Variants in GHR observed in about 807,000 individuals in gnomAD.
GHR encodes the protein growth hormone receptor.
In GHR, 35 loss-of-function variants were observed where a neutral mutation model predicts 67.1. The ratio of observed to expected loss-of-function variants is 0.52; its 90% CI spans 0.40 to 0.69. The LOEUF is 0.69. Among genes scored for constraint, GHR ranks in the 30% least tolerant of loss-of-function variants. The pLI, the probability that GHR is intolerant of heterozygous loss-of-function variation, is 0.00. For missense variants in GHR, 792 were observed against 764.6 expected (o/e 1.04, Z -0.42); for synonymous variants, 272 against 269.1 (o/e 1.01, Z -0.10).
At chr5:42,641,263 G>A (rs1754462393) in intron 3 of GHR, among the ~76,000 whole-genome samples, 1 of 151,982 alleles carries the variant, frequency 6.6e-6, no homozygotes, top group Admixed American at 6.6e-5. Flanking sequence ...TCAATCCAAA[G>A]CTCTTTTCTC....
intron 1 of GHR, among the ~76,000 whole-genome samples, chr5:42,504,966 C>T (rs1345112097): frequency 6.6e-6 from 1 of 152,112 alleles, no homozygotes; most frequent in East Asian, 1.9e-4. Flanking sequence ...CTAAGAATTG[C>T]TCCAGATTTT....
intron 3 of GHR, among the ~76,000 whole-genome samples, chr5:42,667,300 C>T (rs771045921): frequency 1.3e-5 from 2 of 152,158 alleles, no homozygotes; most frequent in Non-Finnish European, 2.9e-5. Flanking sequence ...TCAACATCCT[C>T]TTATATGGAG....
At position 42,580,965 on chromosome 5, in the gene GHR, G is replaced by A. The variant is rs750237525; in HGVS notation, c.70+15021G>A. On this transcript the variant is annotated intron_variant, in intron 2 of 9. Transcript: ENST00000230882. ...CCTCACCCACCTTCATTCATCTTTC[G>A]TATTCCTTGAAAATTACCACTGAGT... 5.3e-5 allele frequency among the ~76,000 whole-genome samples: 8 copies of A among 152,106 alleles called. No homozygotes were observed. In the East Asian group the frequency reaches 5.8e-4, roughly 11 times the overall value.
chr5:42,446,324 GA>G (rs1743803369), intron 1 of GHR, among the ~76,000 whole-genome samples: 1 of 151,970 alleles, frequency 6.6e-6, no homozygotes, highest in Non-Finnish European at 1.5e-5. Flanking sequence ...AACAGGCAGA[GA>G]AAAAATGAAA....
chr5:42,543,988 G>A (rs1201071829), intron 1 of GHR, among the ~76,000 whole-genome samples: 2 of 152,038 alleles, frequency 1.3e-5, no homozygotes, highest in South Asian at 2.1e-4. Flanking sequence ...GCACTGCCAC[G>A]TTGACCAGCT....
chr5:42,629,624 G>C (rs1194352842), intron 3 of GHR, among the ~76,000 whole-genome samples: 1 of 131,570 alleles, frequency 7.6e-6, no homozygotes, highest in Non-Finnish European at 1.6e-5. Context: ...CCAGCCTCAG[G>C]TACTTTTTTA....
chr5:42,645,791 G>C (rs778109277), intron 3 of GHR, among the ~76,000 whole-genome samples: 12 of 152,174 alleles, frequency 7.9e-5, no homozygotes, highest in Non-Finnish European at 1.5e-4. Context: ...TAACCAAAAT[G>C]TATTTTATTT....
chr5:42,511,031 C>G (rs1350212042), intron 1 of GHR, among the ~76,000 whole-genome samples: 1 of 152,182 alleles, frequency 6.6e-6, no homozygotes, highest in Non-Finnish European at 1.5e-5. Flanking sequence ...TATTATCCCA[C>G]TATTTACCAG....
intron 1 of GHR, chr5:42,465,619 T>G: frequency 1.0e-6 from 1 of 979,974 alleles, no homozygotes; most frequent in Non-Finnish European, 1.6e-6. Flanking sequence ...GGGACTCTGT[T>G]AATTCATCTT....
chr5:42,499,985 C>A (rs1746473527), intron 1 of GHR, among the ~76,000 whole-genome samples: 1 of 152,150 alleles, frequency 6.6e-6, no homozygotes, highest in Admixed American at 6.5e-5. Flanking sequence ...CTCCACCCTC[C>A]CTTCCCCTCC....
At chr5:42,533,169 TTTGA>T (rs982171770) in intron 1 of GHR, among the ~76,000 whole-genome samples, 15 of 152,146 alleles carry the variant, frequency 9.9e-5, no homozygotes, top group African/African-American at 3.6e-4. Context: ...TATTCATTAC[TTTGA>T]TTATTTATAA....
intron 3 of GHR, among the ~76,000 whole-genome samples, chr5:42,678,026 T>C (rs1756656685): frequency 6.6e-6 from 1 of 152,242 alleles, no homozygotes; most frequent in Non-Finnish European, 1.5e-5. Context: ...TGAGCATTTA[T>C]ATAATGCTTA....
In GHR at chr5:42,713,522, A is replaced by G. The variant is rs1216265109; in HGVS notation, c.875+3A>G. On this transcript the variant is annotated splice_donor_region_variant and intron_variant, in intron 8 of 9. Transcript: ENST00000230882. ...TTCTTATTTTCTAAACAGCAAAGGTAGGTGTGGAGTAGTATTCTTTGGTAT... is the reference window on the plus strand; with the variant it reads ...TTCTTATTTTCTAAACAGCAAAGGTGGGTGTGGAGTAGTATTCTTTGGTAT... The G allele has an allele frequency of 8.3e-7, 1 of 1,200,414 alleles. No homozygotes were observed. Among genetic ancestry groups the G allele is most frequent in the Non-Finnish European group, 1.2e-6 (1 of 809,336 alleles). 74.4% of individuals were successfully genotyped at this position (1,200,414 alleles called of 1,614,324 possible).
chr5:42,524,858 C>T (rs1454860585), intron 1 of GHR, among the ~76,000 whole-genome samples: 1 of 152,208 alleles, frequency 6.6e-6, no homozygotes, highest in African/African-American at 2.4e-5. Context: ...GGTGGAAGCC[C>T]CAAGCCTTGG....
intron 1 of GHR, among the ~76,000 whole-genome samples, chr5:42,531,570 G>A (rs1268366431): frequency 6.6e-6 from 1 of 151,940 alleles, no homozygotes. Flanking sequence ...CTCGACCTGG[G>A]CTCAAGCAAT....
chr5:42,548,023 G>C (rs934774708), intron 1 of GHR: 2 of 901,684 alleles, frequency 2.2e-6, no homozygotes, highest in East Asian at 2.4e-4. Flanking sequence ...CAGAGCCTTT[G>C]CTGAGTTCTA....
At chr5:42,459,333 T>C (rs537793649) in intron 1 of GHR, among the ~76,000 whole-genome samples, 1 of 152,152 alleles carries the variant, frequency 6.6e-6, no homozygotes, top group East Asian at 1.9e-4. Context: ...CATGCAGCCA[T>C]AAAAAGAAAT....
chr5:42,695,124 T>C, intron 5 of GHR, 35 bp downstream of exon 5: 1 of 1,463,208 alleles, frequency 6.8e-7, no homozygotes, highest in Non-Finnish European at 9.6e-7. Context: ...TTGACATAGT[T>C]TTAGACTAAA....
intron 1 of GHR, among the ~76,000 whole-genome samples, chr5:42,552,461 G>GT (rs1256379988): frequency 6.6e-6 from 1 of 152,154 alleles, no homozygotes; most frequent in Non-Finnish European, 1.5e-5. Flanking sequence ...GCAAACTGAT[G>GT]GAGATAGGGC....
Sources: gnomAD v4.1 joint callset for allele counts (sites outside exome capture counted in the v4.1 genomes callset) on GRCh38, gnomAD v4.1.1 for gene constraint, MANE v1.5 for transcripts, NCBI Gene and HGNC (gene_info 2026-07-23, HGNC 2026-07-21) for gene names.